Variants in PASD1 observed in about 807,000 individuals in gnomAD.
PASD1 encodes circadian clock protein PASD1.
PASD1 carries 13 observed loss-of-function variants against 58.8 expected under a neutral mutation model. The ratio of observed to expected loss-of-function variants is 0.22; its 90% CI spans 0.14 to 0.35. PASD1 has a LOEUF of 0.35. PASD1 is among the 10% of genes least tolerant of loss of function. The probability of loss-of-function intolerance (pLI) is 1.00; values close to 1 mark genes in which losing one functional copy is unlikely to be tolerated. For synonymous variants in PASD1, 236 were observed against 216.7 expected (o/e 1.09, Z -0.78); for missense variants, 734 against 568.3 (o/e 1.29, Z -2.96).
At chrX:151,653,829 T>A (rs1198606500) in intron 9 of PASD1, among the ~76,000 whole-genome samples, 6 of 27,775 alleles carry the variant, frequency 2.2e-4, no homozygotes, top group African/African-American at 5.0e-4. Flanking sequence ...CTTCCTTCCT[T>A]CCTTCCTTCC....
chrX:151,657,812 T>C (rs1281586080), intron 9 of PASD1, among the ~76,000 whole-genome samples: 1 of 94,844 alleles, frequency 1.1e-5, no homozygotes, highest in African/African-American at 3.8e-5. Flanking sequence ...AAAAACCAGC[T>C]CCTGGATTCA....
intron 15 of PASD1, among the ~76,000 whole-genome samples, chrX:151,674,520 T>C (rs1469159997): frequency 8.9e-6 from 1 of 112,934 alleles, no homozygotes. Flanking sequence ...TTCAGACTTA[T>C]GGATCTTTAG....
intron 1 of PASD1, among the ~76,000 whole-genome samples, chrX:151,597,770 G>A (rs143893981): frequency 4.7e-3 from 523 of 110,861 alleles, no homozygotes; most frequent in Non-Finnish European, 7.1e-3. Flanking sequence ...TCACTCAGTC[G>A]CCTAGGCTGG....
chrX:151,585,606 A>G (rs2013152722), intron 1 of PASD1, among the ~76,000 whole-genome samples: 1 of 111,219 alleles, frequency 9.0e-6, no homozygotes, highest in Non-Finnish European at 1.9e-5. Flanking sequence ...AGTGTGAGTG[A>G]TAGTACAGAG....
At chrX:151,622,586 T>TACACACACACAC (rs202044764) in intron 6 of PASD1, among the ~76,000 whole-genome samples, 3,122 of 96,701 alleles carry the variant, frequency 0.032, 48 homozygotes, top group African/African-American at 0.05. Context: ...GTGCACAGAT[T>TACACACACACAC]ACACACACAC....
At chrX:151,584,746 T>G (rs1482697287) in intron 1 of PASD1, among the ~76,000 whole-genome samples, 1 of 112,120 alleles carries the variant, frequency 8.9e-6, no homozygotes, top group Non-Finnish European at 1.9e-5. Context: ...CAGAATTCAC[T>G]ACGGAAATTA....
rs750649925 is a variant in PASD1, at chrX:151,671,196, G to A, written c.1230G>A (p.Gln410=). The change falls in exon 12 of 16, where the codon CAG becomes CAA. Residue 410 remains glutamine (Q), a splice_region_variant and synonymous_variant. Transcript: ENST00000370357. ...NALELMMDHL[Q]KQPNTLRHVV... ...TGGAATTGATGATGGATCACCTTCA[G>A]GTCAGTCAGGATGCTAGGTTTCAGG... 1 of 1,210,006 alleles carries A rather than the reference G, an allele frequency of 8.3e-7. No individual in the cohort carries two copies.
intron 11 of PASD1, among the ~76,000 whole-genome samples, chrX:151,668,900 A>C (rs1242974538): frequency 1.1e-5 from 1 of 88,686 alleles, no homozygotes; most frequent in African/African-American, 4.1e-5. Context: ...GCAGAGACAC[A>C]ACAAAAAAAA....
intron 3 of PASD1, among the ~76,000 whole-genome samples, chrX:151,607,094 C>G (rs1175834434): frequency 3.6e-5 from 4 of 111,871 alleles, no homozygotes; most frequent in African/African-American, 6.5e-5. Flanking sequence ...TTCTTCCCTA[C>G]TATTTCCTGA....
At chrX:151,629,853 T>C (rs2013844853) in intron 8 of PASD1, among the ~76,000 whole-genome samples, 1 of 111,887 alleles carries the variant, frequency 8.9e-6, no homozygotes, top group Admixed American at 9.5e-5. Context: ...GTAGCAAATA[T>C]TCAGATAGTG....
At chrX:151,630,150 A>C (rs754130521) in intron 8 of PASD1, among the ~76,000 whole-genome samples, 7 of 112,067 alleles carry the variant, frequency 6.2e-5, no homozygotes, top group Non-Finnish European at 1.1e-4. Flanking sequence ...TTAGGGAAAA[A>C]GCGGATGCAT....
chrX:151,673,240 G>A (rs1020906286), intron 14 of PASD1: 2 of 117,171 alleles, frequency 1.7e-5, no homozygotes, highest in African/African-American at 6.4e-5. Flanking sequence ...AAGGTCTTCA[G>A]TTCCAAATGC....
intron 8 of PASD1, among the ~76,000 whole-genome samples, chrX:151,632,488 T>C (rs1412047601): frequency 9.0e-6 from 1 of 111,407 alleles, no homozygotes; most frequent in Non-Finnish European, 1.9e-5. Context: ...TGAGCAACTG[T>C]GAGGGAAGGA....
intron 2 of PASD1, among the ~76,000 whole-genome samples, chrX:151,601,845 G>A (rs1036467739): frequency 1.8e-5 from 2 of 112,190 alleles, no homozygotes; most frequent in African/African-American, 6.5e-5. Flanking sequence ...GACTCTAAGG[G>A]TTGTCAAATG....
Position 151,671,587 on chromosome X carries a change from A to T in PASD1, c.1245A>T (p.Thr415=). Residue 415 remains threonine (T), a synonymous_variant, in exon 13 of 16, where the codon ACA becomes ACT. Coordinates refer to ENST00000370357, the MANE Select transcript of PASD1 (RefSeq NM_173493.3). ...TGTCCTTACAGAAGCAGCCAAACAC[A>T]TTACGCCACGTTGTCATTCCTGATC... The part of the protein sequence containing the change: ...MMDHLQKQPN[T]LRHVVIPDLQ... 1.7e-6 allele frequency: 2 copies of T among 1,210,970 alleles called. No individual in the cohort carries two copies. Among genetic ancestry groups the T allele is most frequent in the Non-Finnish European group, 2.2e-6 (2 of 895,344 alleles).
intron 8 of PASD1, among the ~76,000 whole-genome samples, chrX:151,627,200 TTTA>T (rs1008954309): frequency 1.8e-5 from 2 of 111,112 alleles, no homozygotes; most frequent in Non-Finnish European, 1.9e-5. Flanking sequence ...TAAATTTTTA[TTTA>T]TTATTTATTT....
chrX:151,669,467 C>T (rs987871366), intron 11 of PASD1, among the ~76,000 whole-genome samples: 1 of 110,534 alleles, frequency 9.0e-6, no homozygotes, highest in Non-Finnish European at 1.9e-5. Context: ...CTCTAATTTT[C>T]CTACTTGAGT....
chrX:151,640,447 T>C (rs1272757922), intron 8 of PASD1, among the ~76,000 whole-genome samples: 1 of 112,282 alleles, frequency 8.9e-6, no homozygotes, highest in Non-Finnish European at 1.9e-5. Context: ...GTAGAAATTA[T>C]ATCTGAGCTG....
At chrX:151,666,184 G>A (rs1379390813) in intron 11 of PASD1, among the ~76,000 whole-genome samples, 4 of 109,289 alleles carry the variant, frequency 3.7e-5, no homozygotes, top group African/African-American at 1.3e-4. Context: ...TATCATTAAT[G>A]TTGTAAATTC....
Sources: gnomAD v4.1 joint callset for allele counts (sites outside exome capture counted in the v4.1 genomes callset) on GRCh38, gnomAD v4.1.1 for gene constraint, MANE v1.5 for transcripts, NCBI Gene and HGNC (gene_info 2026-07-23, HGNC 2026-07-21) for gene names.